Variants in DLG2 observed in about 807,000 individuals in gnomAD.
DLG2 encodes the protein disks large homolog 2.
A neutral mutation model predicts 132.5 loss-of-function variants in DLG2; 45 were observed. The observed-to-expected ratio is 0.34, with a 90% CI of 0.27 to 0.44. The LOEUF (loss-of-function observed/expected upper bound fraction) is 0.44, where lower values mean the gene tolerates loss of function less well. DLG2 is among the 20% of genes least tolerant of loss of function. The probability of loss-of-function intolerance (pLI) is 1.00; values close to 1 mark genes in which losing one functional copy is unlikely to be tolerated. For synonymous variants in DLG2, 424 were observed against 419.6 expected (o/e 1.01, Z -0.13); for missense variants, 1,045 against 1,196.9 (o/e 0.87, Z 1.87).
At chr11:84,361,442 G>T (rs182976065) in intron 7 of DLG2, among the ~76,000 whole-genome samples, 3 of 152,010 alleles carry the variant, frequency 2.0e-5, no homozygotes, top group Non-Finnish European at 4.4e-5. Flanking sequence ...AGTCCTGAAA[G>T]AAAAGGACTG....
At chr11:85,550,721 C>T (rs55841425) in intron 3 of DLG2, among the ~76,000 whole-genome samples, 4 of 152,032 alleles carry the variant, frequency 2.6e-5, no homozygotes, top group Non-Finnish European at 4.4e-5. Context: ...AGTTTGGGTA[C>T]GGCATATTCT....
At chr11:84,039,106 T>C (rs2095972877) in intron 11 of DLG2, among the ~76,000 whole-genome samples, 1 of 152,100 alleles carries the variant, frequency 6.6e-6, no homozygotes, top group Non-Finnish European at 1.5e-5. Flanking sequence ...AATTTAACAA[T>C]ATACACAGGA....
intron 9 of DLG2, among the ~76,000 whole-genome samples, chr11:84,109,923 A>C (rs916421860): frequency 3.3e-5 from 5 of 152,172 alleles, no homozygotes; most frequent in Admixed American, 6.5e-5. Flanking sequence ...ACATTTTATT[A>C]AAACTCAAAT....
intron 4 of DLG2, among the ~76,000 whole-genome samples, chr11:85,179,238 A>G (rs2079531604): frequency 2.0e-5 from 3 of 151,930 alleles, no homozygotes; most frequent in Admixed American, 1.3e-4. Context: ...CTAAATTATC[A>G]TGCAAAAGGG....
At chr11:85,361,289 G>T (rs1202537477) in intron 3 of DLG2, among the ~76,000 whole-genome samples, 1 of 149,520 alleles carries the variant, frequency 6.7e-6, no homozygotes, top group African/African-American at 2.5e-5. Context: ...CCGAGTAGCT[G>T]CTTATTCCAC....
At chr11:84,882,073 T>C (rs17147685) in intron 6 of DLG2, among the ~76,000 whole-genome samples, 12,225 of 152,144 alleles carry the variant, frequency 0.08, 1,055 homozygotes, top group African/African-American at 0.22. Flanking sequence ...TTCTTGCTGA[T>C]TCTAAAGGAA....
intron 7 of DLG2, among the ~76,000 whole-genome samples, chr11:84,321,852 C>A (rs2098406536): frequency 6.6e-6 from 1 of 152,204 alleles, no homozygotes; most frequent in African/African-American, 2.4e-5. Context: ...TGCATATCAT[C>A]ACCTCCTCAA....
At chr11:83,923,904 A>AGGATAAAGTACAAAATC (rs1223263383) in intron 15 of DLG2, among the ~76,000 whole-genome samples, 1 of 152,108 alleles carries the variant, frequency 6.6e-6, no homozygotes, top group East Asian at 1.9e-4. Flanking sequence ...CACTGCCTAT[A>AGGATAAAGTACAAAATC]GGATAAAGTA....
At chr11:84,932,345 C>T (rs1215376687) in intron 6 of DLG2, among the ~76,000 whole-genome samples, 1 of 152,132 alleles carries the variant, frequency 6.6e-6, no homozygotes, top group Non-Finnish European at 1.5e-5. Flanking sequence ...TATAACTAGC[C>T]AGTTAGCACC....
intron 6 of DLG2, among the ~76,000 whole-genome samples, chr11:84,871,367 T>G (rs921782199): frequency 6.6e-6 from 1 of 152,160 alleles, no homozygotes; most frequent in Non-Finnish European, 1.5e-5. Flanking sequence ...CATATGACAG[T>G]GTGGTTTGGA....
chr11:84,469,048 T>C (rs543186506), intron 7 of DLG2, among the ~76,000 whole-genome samples: 4 of 151,726 alleles, frequency 2.6e-5, no homozygotes, highest in African/African-American at 7.2e-5. Context: ...AGCATATTAC[T>C]AGACAACAGT....
intron 11 of DLG2, among the ~76,000 whole-genome samples, chr11:84,018,314 A>C (rs2095280329): frequency 6.6e-6 from 1 of 151,988 alleles, no homozygotes; most frequent in South Asian, 2.1e-4. Flanking sequence ...TAGTCATAAT[A>C]ATACAACTAA....
rs955470582 is a variant in DLG2, at chr11:85,461,993, T to C, written c.40+136664A>G. ...ACCCCACCAAAAAGTGGGCAAAGGA[T>C]ATTAACAGATACTTCTCAAAAGAAG... is the stretch of plus-strand genomic sequence containing the variant. On this transcript the variant is annotated intron_variant, in intron 3 of 27. Transcript: ENST00000376104. Among the ~76,000 whole-genome samples the C allele has an allele frequency of 9.9e-5, 15 of 152,226 alleles. 1 individual carries two copies. Among genetic ancestry groups the C allele is most frequent in the African/African-American group, 3.4e-4 (14 of 41,524 alleles).
intron 6 of DLG2, among the ~76,000 whole-genome samples, chr11:84,577,710 G>A (rs534219113): frequency 3.3e-5 from 5 of 152,298 alleles, no homozygotes; most frequent in Admixed American, 6.5e-5. Flanking sequence ...GCAGCCTGAT[G>A]ATACAGTAGA....
At chr11:83,861,565 CA>C (rs1203771187) in intron 16 of DLG2, among the ~76,000 whole-genome samples, 1 of 152,024 alleles carries the variant, frequency 6.6e-6, no homozygotes, top group Non-Finnish European at 1.5e-5. Context: ...CAGTCATTTT[CA>C]ACAACATGGA....
intron 9 of DLG2, among the ~76,000 whole-genome samples, chr11:84,117,892 G>T (rs2154198535): frequency 6.6e-6 from 1 of 152,050 alleles, no homozygotes; most frequent in Non-Finnish European, 1.5e-5. Context: ...TCTCGCTCTT[G>T]TTGCCCAGGC....
chr11:84,535,935 T>A (rs867986720), intron 6 of DLG2, among the ~76,000 whole-genome samples: 1 of 141,686 alleles, frequency 7.1e-6, no homozygotes, highest in Non-Finnish European at 1.6e-5. Context: ...TTATCATCAA[T>A]GGTTAATTTT....
intron 6 of DLG2, among the ~76,000 whole-genome samples, chr11:84,968,703 A>C (rs942720359): frequency 4.6e-5 from 7 of 152,168 alleles, no homozygotes; most frequent in African/African-American, 1.4e-4. Context: ...GCTATTTCTC[A>C]GTGCAAGTCA....
chr11:83,556,480 C>A (rs143942651), intron 19 of DLG2, among the ~76,000 whole-genome samples: 6,216 of 151,942 alleles, frequency 0.041, 450 homozygotes, highest in African/African-American at 0.14. Context: ...TCAAGTGATC[C>A]TCCCATCTCA....
Sources: allele counts gnomAD v4.1 joint callset (sites outside exome capture counted in the v4.1 genomes callset), GRCh38; gene constraint gnomAD v4.1.1; transcripts MANE v1.5; gene names NCBI Gene and HGNC (gene_info 2026-07-23, HGNC 2026-07-21).